The following CELF2 variants were observed in gnomAD, a reference collection of about 807,000 sequenced individuals.
CELF2 encodes the protein CUG triplet repeat RNA-binding protein 2.
Under a neutral mutation model 62.6 loss-of-function variants are expected in CELF2, and 8 were observed. That is an observed-to-expected ratio of 0.13 (90% CI 0.07 to 0.23). The LOEUF (loss-of-function observed/expected upper bound fraction) is 0.23, where lower values mean the gene tolerates loss of function less well. Ranked by LOEUF, CELF2 falls within the 10% of genes least tolerant of loss-of-function variation. The pLI, the probability that CELF2 is intolerant of heterozygous loss-of-function variation, is 1.00. For missense variants in CELF2, 333 were observed against 671.0 expected (o/e 0.50, Z 5.56); for synonymous variants, 258 against 250.0 (o/e 1.03, Z -0.30).
At chr10:10,667,487 G>T in the CELF2 span, among the ~76,000 whole-genome samples, 1 of 152,216 alleles carries the variant, frequency 6.6e-6, no homozygotes, top group African/African-American at 2.4e-5. Context: ...ATAGCTGCCA[G>T]GCTGATCACG....
chr10:11,174,770 A>C (rs1487940625), intron 2 of CELF2, among the ~76,000 whole-genome samples: 2 of 152,208 alleles, frequency 1.3e-5, no homozygotes, highest in African/African-American at 4.8e-5. Context: ...GCATTTACTA[A>C]GTTCATGAAT....
At chr10:10,635,560 A>G in the CELF2 span, among the ~76,000 whole-genome samples, 1 of 152,304 alleles carries the variant, frequency 6.6e-6, no homozygotes, top group South Asian at 2.1e-4. Context: ...TAAGCCCCAA[A>G]TGTTATATAA....
At chr10:10,911,221 C>T (rs1408922913) in intron 1 of CELF2, among the ~76,000 whole-genome samples, 1 of 152,224 alleles carries the variant, frequency 6.6e-6, no homozygotes, top group Non-Finnish European at 1.5e-5. Flanking sequence ...TTACAGATGC[C>T]AGCCAGGGCC....
In CELF2 at chr10:11,008,086, C is replaced by T. The variant is rs1373184583; in HGVS notation, c.53+2646C>T. Among the ~76,000 whole-genome samples, 1 of 152,160 alleles carries T rather than the reference C, an allele frequency of 6.6e-6. No individual in the cohort carries two copies. Among genetic ancestry groups the T allele is most frequent in the Non-Finnish European group, 1.5e-5 (1 of 68,030 alleles). ...TGTGAGGTTGCCCGAAGCTGGCAAACTTGTCTACATCTATTTCCACAACAG... is the reference window on the plus strand; with the variant it reads ...TGTGAGGTTGCCCGAAGCTGGCAAATTTGTCTACATCTATTTCCACAACAG... On this transcript the variant is annotated intron_variant, in intron 1 of 12. Coordinates refer to the CELF2 transcript ENST00000416382. The surrounding 1 kb of genome is among the most constrained non-coding windows in gnomAD (Gnocchi z 4.5).
intron 1 of CELF2, among the ~76,000 whole-genome samples, chr10:10,842,434 T>C (rs577632395): frequency 6.6e-6 from 1 of 152,220 alleles, no homozygotes; most frequent in South Asian, 2.1e-4. Context: ...GGTTTTAAAA[T>C]ATATGCTCTT....
chr10:10,564,686 A>ACACGCGCG, the CELF2 span, among the ~76,000 whole-genome samples: 22 of 117,602 alleles, frequency 1.9e-4, no homozygotes, highest in African/African-American at 6.6e-4. Flanking sequence ...ACACACGCAC[A>ACACGCGCG]CACACACACA....
chr10:10,570,715 T>C, the CELF2 span, among the ~76,000 whole-genome samples: 10 of 152,070 alleles, frequency 6.6e-5, no homozygotes, highest in African/African-American at 1.9e-4. Flanking sequence ...AGTGGGAAGA[T>C]AGTACTGAGA....
the CELF2 span, among the ~76,000 whole-genome samples, chr10:10,598,278 G>A: frequency 6.6e-6 from 1 of 152,126 alleles, no homozygotes; most frequent in East Asian, 1.9e-4. Flanking sequence ...TTTATTACAT[G>A]GGGACTCAGT....
chr10:10,563,840 G>A, the CELF2 span, among the ~76,000 whole-genome samples: 1 of 152,038 alleles, frequency 6.6e-6, no homozygotes, highest in East Asian at 1.9e-4. Context: ...ATCTAGATAA[G>A]CCTCAGAATA....
chr10:10,729,955 G>A, the CELF2 span, among the ~76,000 whole-genome samples: 1 of 152,160 alleles, frequency 6.6e-6, no homozygotes, highest in Non-Finnish European at 1.5e-5. Context: ...TATTCTTAGT[G>A]AGTATCAGGA....
chr10:10,503,462 C>A, the CELF2 span, among the ~76,000 whole-genome samples: 1 of 151,870 alleles, frequency 6.6e-6, no homozygotes, highest in African/African-American at 2.4e-5. Flanking sequence ...GACCTTTTGT[C>A]ATTATGTAAC....
At chr10:10,588,527 A>T in the CELF2 span, among the ~76,000 whole-genome samples, 41 of 152,216 alleles carry the variant, frequency 2.7e-4, no homozygotes, top group Non-Finnish European at 5.3e-4. Context: ...TCTGGCTGTC[A>T]CCTCAGGATT....
the CELF2 span, among the ~76,000 whole-genome samples, chr10:10,596,924 A>G: frequency 6.6e-6 from 1 of 152,118 alleles, no homozygotes; most frequent in Admixed American, 6.5e-5. Flanking sequence ...TCTTCCTGAC[A>G]TTTCTTCCTC....
chr10:11,160,337 A>G (rs1005643266), intron 1 of CELF2, among the ~76,000 whole-genome samples: 3 of 152,184 alleles, frequency 2.0e-5, no homozygotes, highest in Admixed American at 6.5e-5. Context: ...CCCACTGTTC[A>G]CTGACCTGCT....
At chr10:11,293,212 A>T (rs1168107663) in intron 9 of CELF2, among the ~76,000 whole-genome samples, 1 of 152,160 alleles carries the variant, frequency 6.6e-6, no homozygotes, top group African/African-American at 2.4e-5. Flanking sequence ...CTCCCACAAA[A>T]ATCTAATACA....
At chr10:11,234,104 GACAC>G (rs2070035587) in intron 3 of CELF2, among the ~76,000 whole-genome samples, 1 of 152,222 alleles carries the variant, frequency 6.6e-6, no homozygotes, top group Non-Finnish European at 1.5e-5. Context: ...TATGATACGA[GACAC>G]ACATTTGGTG....
chr10:11,089,840 C>T (rs567751498), intron 1 of CELF2, among the ~76,000 whole-genome samples: 1 of 152,018 alleles, frequency 6.6e-6, no homozygotes, highest in African/African-American at 2.4e-5. Context: ...ACTTCGTTGC[C>T]ATAAAAAAAA....
rs2056218398 is a variant in CELF2 at position 11,010,315 on chromosome 10, C to T, written c.53+4875C>T. Reference sequence around the variant, plus strand: ...GCTCTCCAGAAACGATAACCTCCCTCTTCCCTCTGGGTCTGGCTACAGGCC... The same window carrying T: ...GCTCTCCAGAAACGATAACCTCCCTTTTCCCTCTGGGTCTGGCTACAGGCC... On this transcript the variant is annotated intron_variant, in intron 1 of 12. Coordinates refer to the CELF2 transcript ENST00000416382. This position sits in a 1 kb window ranked among gnomAD's most constrained non-coding sequence, Gnocchi z 4.1. 1 of 152,282 alleles carries T rather than the reference C, an allele frequency of 6.6e-6. No individual in the cohort carries two copies. The highest frequency in any genetic ancestry group is 2.1e-4 in the South Asian group (1 of 4,834). 9.4% of individuals were successfully genotyped at this position (152,282 alleles called of 1,614,324 possible). A position where few individuals can be genotyped will look rare whatever the true frequency, so the allele number is the denominator to read the frequency against.
At chr10:11,004,999 G>C, upstream of CELF2, 3 of 968,500 alleles carry the variant, frequency 3.1e-6, no homozygotes, top group Non-Finnish European at 2.5e-6. This position sits in a 1 kb window ranked among gnomAD's most constrained non-coding sequence, Gnocchi z 5.0. Flanking sequence ...TAAGAAAAAG[G>C]TAAATGAGTT....
Sources: gnomAD v4.1 joint callset for allele counts (sites outside exome capture counted in the v4.1 genomes callset) on GRCh38, gnomAD v4.1.1 for gene constraint, Gnocchi (gnomAD v3.1) non-coding constraint, MANE v1.5 for transcripts, NCBI Gene and HGNC (gene_info 2026-07-23, HGNC 2026-07-21) for gene names.